The following ATRNL1 variants were observed in gnomAD, a reference collection of about 807,000 sequenced individuals.
The protein encoded by ATRNL1 is attractin like 1.
A neutral mutation model predicts 182.7 loss-of-function variants in ATRNL1; 95 were observed. The observed-to-expected ratio is 0.52, with a 90% CI of 0.44 to 0.62. ATRNL1 has a LOEUF of 0.62. Ranked by LOEUF, ATRNL1 falls within the 20% of genes least tolerant of loss-of-function variation. ATRNL1 has a pLI of 0.00. For synonymous variants in ATRNL1, 576 were observed against 568.3 expected (o/e 1.01, Z -0.19); for missense variants, 1,471 against 1,679.5 (o/e 0.88, Z 2.17).
At chr10:115,113,224 G>A (rs1844334247) in intron 1 of ATRNL1, among the ~76,000 whole-genome samples, 1 of 152,142 alleles carries the variant, frequency 6.6e-6, no homozygotes, top group Non-Finnish European at 1.5e-5. Flanking sequence ...TTATGAGAGT[G>A]TTTTGAGAGT....
At chr10:115,317,772 T>A (rs782256572) in intron 18 of ATRNL1, among the ~76,000 whole-genome samples, 1 of 152,196 alleles carries the variant, frequency 6.6e-6, no homozygotes, top group Non-Finnish European at 1.5e-5. Flanking sequence ...CTGAAGTTGA[T>A]TATCAGTTTA....
At chr10:115,121,351 C>G (rs1002776925) in intron 2 of ATRNL1, among the ~76,000 whole-genome samples, 1 of 152,204 alleles carries the variant, frequency 6.6e-6, no homozygotes, top group Non-Finnish European at 1.5e-5. Flanking sequence ...ACCTCGTGAT[C>G]TGCCTGCTTT....
At chr10:115,695,053 G>T (rs936781445) in intron 26 of ATRNL1, among the ~76,000 whole-genome samples, 1 of 151,604 alleles carries the variant, frequency 6.6e-6, no homozygotes, top group Non-Finnish European at 1.5e-5. Context: ...AATACCAAAG[G>T]AATACTGTTT....
Position 115,631,260 on chromosome 10 carries a change from T to G in ATRNL1, c.3795+81724T>G, listed in dbSNP as rs117155662. Among the ~76,000 whole-genome samples, 714 of 152,198 alleles carry G rather than the reference T, an allele frequency of 4.7e-3. 4 individuals are homozygous for G. Among genetic ancestry groups the G allele is most frequent in the Non-Finnish European group, 7.9e-3 (534 of 67,978 alleles). On this transcript the variant is annotated intron_variant, in intron 26 of 28. Transcript: ENST00000355044. ...AAAAATTAGTAACTATATGAAGGGA[T>G]AGATTTATTAATTAGCTTGACTGTA... is the stretch of plus-strand genomic sequence containing the variant.
chr10:115,136,517 T>A (rs1845521011), intron 5 of ATRNL1, among the ~76,000 whole-genome samples: 1 of 152,344 alleles, frequency 6.6e-6, no homozygotes, highest in East Asian at 1.9e-4. Context: ...TTTGGACAAA[T>A]GTATCATTAC....
chr10:115,528,638 G>A (rs1373555436), intron 25 of ATRNL1, among the ~76,000 whole-genome samples: 3 of 151,078 alleles, frequency 2.0e-5, no homozygotes, highest in African/African-American at 7.3e-5. Context: ...TGTTTATCTT[G>A]CTCTAATATT....
At position 115,301,897 on chromosome 10, in the gene ATRNL1, C is replaced by T. The variant is rs781874537; in HGVS notation, c.2672C>T (p.Ser891Phe). 6.2e-7 allele frequency: 1 copy of T among 1,613,432 alleles called. No individual in the cohort carries two copies. Reference protein sequence around the residue: ...QNARPCKKPCSLRTSCSNCTS... With the variant: ...QNARPCKKPCFLRTSCSNCTS... Reference sequence around the variant, plus strand: ...GCGAGGCCGTGCAAAAAGCCATGCTCTCTGAGGACATCATGTTCCAACTGT... The same window carrying T: ...GCGAGGCCGTGCAAAAAGCCATGCTTTCTGAGGACATCATGTTCCAACTGT... The change falls in exon 17 of 29, where the codon TCT becomes TTT. Residue 891 changes from serine (S) to phenylalanine (F), a missense_variant. By Grantham distance (155) the Ser-to-Phe change is radical. Coordinates refer to ENST00000355044, the MANE Select transcript of ATRNL1 (RefSeq NM_207303.4).
chr10:115,551,545 T>G (rs1051823997), intron 26 of ATRNL1, among the ~76,000 whole-genome samples: 1 of 151,458 alleles, frequency 6.6e-6, no homozygotes, highest in Non-Finnish European at 1.5e-5. Flanking sequence ...CTTCTTTCTA[T>G]TAAAGTGTAT....
chr10:115,800,004 C>G (rs372174529), intron 27 of ATRNL1, among the ~76,000 whole-genome samples: 5 of 151,688 alleles, frequency 3.3e-5, no homozygotes, highest in African/African-American at 4.8e-5. Flanking sequence ...GTGGATCACC[C>G]GAGGTCAGGA....
intron 5 of ATRNL1, among the ~76,000 whole-genome samples, chr10:115,133,747 C>A (rs900109433): frequency 5.9e-5 from 9 of 152,150 alleles, no homozygotes; most frequent in African/African-American, 1.9e-4. Flanking sequence ...AAGATACATT[C>A]TTCTCAGCAC....
intron 28 of ATRNL1, among the ~76,000 whole-genome samples, chr10:115,880,917 A>G (rs994512456): frequency 3.3e-5 from 5 of 152,334 alleles, no homozygotes; most frequent in African/African-American, 9.6e-5. Flanking sequence ...GAGAAACCAA[A>G]AAGAACAAGC....
chr10:115,561,534 A>G (rs985652720), intron 26 of ATRNL1, among the ~76,000 whole-genome samples: 1 of 152,318 alleles, frequency 6.6e-6, no homozygotes, highest in African/African-American at 2.4e-5. Context: ...TCTAGAAATG[A>G]TATAAATGGG....
At chr10:115,345,094 A>C (rs567029277) in intron 19 of ATRNL1, among the ~76,000 whole-genome samples, 1 of 152,288 alleles carries the variant, frequency 6.6e-6, no homozygotes, top group South Asian at 2.1e-4. Flanking sequence ...GTACTCCCTT[A>C]GTCACCCCCT....
chr10:115,697,360 G>A (rs114987404), intron 26 of ATRNL1, among the ~76,000 whole-genome samples: 2 of 152,038 alleles, frequency 1.3e-5, no homozygotes, highest in Admixed American at 6.6e-5. Context: ...TTTTGAGATA[G>A]GATCTTGCTC....
intron 24 of ATRNL1, among the ~76,000 whole-genome samples, chr10:115,510,803 T>C (rs1850349445): frequency 6.6e-6 from 1 of 152,008 alleles, no homozygotes; most frequent in Non-Finnish European, 1.5e-5. Context: ...GATATGTTAA[T>C]GTGATTGGAC....
intron 25 of ATRNL1, among the ~76,000 whole-genome samples, chr10:115,540,807 A>G (rs1465297605): frequency 7.9e-5 from 12 of 151,510 alleles, no homozygotes; most frequent in African/African-American, 2.9e-4. Flanking sequence ...GGAAGTAGTC[A>G]TTCTTAAGTT....
At chr10:115,323,435 C>T (rs1854696899) in intron 18 of ATRNL1, among the ~76,000 whole-genome samples, 1 of 141,410 alleles carries the variant, frequency 7.1e-6, no homozygotes, top group Non-Finnish European at 1.5e-5. Flanking sequence ...CTCCCCTCCC[C>T]TCCCCTTCCC....
intron 26 of ATRNL1, among the ~76,000 whole-genome samples, chr10:115,589,844 A>T (rs765725341): frequency 6.6e-6 from 1 of 152,208 alleles, no homozygotes; most frequent in Admixed American, 6.5e-5. Flanking sequence ...CACAAGAAAG[A>T]TCAGGAGCCC....
At chr10:115,461,908 A>T (rs782404365) in intron 21 of ATRNL1, 33 bp from the exon 22 acceptor site, 1 of 1,490,050 alleles carries the variant, frequency 6.7e-7, no homozygotes, top group Admixed American at 1.9e-5. Context: ...TTTAAAGTAC[A>T]TATCAGGATT....
Sources: allele counts gnomAD v4.1 joint callset (sites outside exome capture counted in the v4.1 genomes callset), GRCh38; gene constraint gnomAD v4.1.1; transcripts MANE v1.5; gene names NCBI Gene and HGNC (gene_info 2026-07-23, HGNC 2026-07-21).